The following SCARA3 variants were observed in gnomAD, a reference collection of about 807,000 sequenced individuals.
SCARA3 encodes cellular stress response gene protein.
SCARA3 carries 39 observed loss-of-function variants against 47.0 expected under a neutral mutation model. The observed-to-expected ratio is 0.83, with a 90% CI of 0.64 to 1.08. The LOEUF (loss-of-function observed/expected upper bound fraction) is 1.08, where lower values mean the gene tolerates loss of function less well. SCARA3 is among the 50% of genes least tolerant of loss of function. The pLI is 0.00. For missense variants in SCARA3, 724 were observed against 792.3 expected, an observed-to-expected ratio of 0.91 and a Z score of 1.04; for synonymous variants, 356 against 334.1, an observed-to-expected ratio of 1.07 and a Z score of -0.71.
intron 1 of SCARA3, among the ~76,000 whole-genome samples, chr8:27,637,425 C>A (rs1437051891): frequency 6.6e-6 from 1 of 152,216 alleles, no homozygotes; most frequent in African/African-American, 2.4e-5. Context: ...CCCCAAGATG[C>A]CCAAGACACA....
At chr8:27,668,546 CAAAAA>C (rs61162841) in intron 5 of SCARA3, among the ~76,000 whole-genome samples, 1 of 69,842 alleles carries the variant, frequency 1.4e-5, no homozygotes, top group Non-Finnish European at 2.9e-5. Context: ...GACTCCGTCT[CAAAAA>C]AAAAAAAAAA....
intron 1 of SCARA3, among the ~76,000 whole-genome samples, chr8:27,640,640 G>A (rs76457421): frequency 0.03 from 4,539 of 151,772 alleles, 102 homozygotes; most frequent in Non-Finnish European, 0.047. Context: ...TCAGCCTCCC[G>A]ATTACTTAGC....
intron 5 of SCARA3, among the ~76,000 whole-genome samples, chr8:27,665,668 G>A (rs1802001426): frequency 6.6e-6 from 1 of 152,182 alleles, no homozygotes; most frequent in Non-Finnish European, 1.5e-5. Context: ...ATCACACCCA[G>A]CCAAGCTTTG....
chr8:27,713,584 G>C, the SCARA3 span, among the ~76,000 whole-genome samples: 1 of 152,062 alleles, frequency 6.6e-6, no homozygotes, highest in Non-Finnish European at 1.5e-5. Flanking sequence ...ATCCTTATTT[G>C]CTTTGATGCT....
At chr8:27,711,388 T>C in the SCARA3 span, among the ~76,000 whole-genome samples, 1 of 152,236 alleles carries the variant, frequency 6.6e-6, no homozygotes, top group Admixed American at 6.5e-5. Context: ...TTTTTCTTAT[T>C]GTACTCAAAT....
the SCARA3 span, among the ~76,000 whole-genome samples, chr8:27,712,505 G>C: frequency 6.8e-6 from 1 of 147,268 alleles, no homozygotes; most frequent in East Asian, 2.0e-4. Flanking sequence ...GGAGCTTGCA[G>C]TGAGCCGAGA....
downstream of SCARA3, among the ~76,000 whole-genome samples, chr8:27,675,113 G>A (rs532893154): frequency 6.6e-6 from 1 of 152,106 alleles, no homozygotes. Context: ...AAAACCCCAG[G>A]CCAGCCCACT....
At chr8:27,699,223 G>A in the SCARA3 span, among the ~76,000 whole-genome samples, 6 of 150,088 alleles carry the variant, frequency 4.0e-5, no homozygotes, top group South Asian at 1.1e-3. Flanking sequence ...CAGCCTGGGT[G>A]ACAGAGCAAG....
At chr8:27,651,716 T>C (rs1801637924) in intron 3 of SCARA3, 89 bp downstream of exon 3, 1 of 1,532,102 alleles carries the variant, frequency 6.5e-7, no homozygotes, top group South Asian at 1.2e-5. Context: ...GACAAACACT[T>C]GACATCTGTA....
the SCARA3 span, among the ~76,000 whole-genome samples, chr8:27,691,402 C>T: frequency 6.6e-6 from 1 of 152,148 alleles, no homozygotes; most frequent in South Asian, 2.1e-4. Flanking sequence ...TGATTCCCTT[C>T]TTTTTGTGCT....
chr8:27,688,990 G>A, the SCARA3 span, among the ~76,000 whole-genome samples: 16 of 152,196 alleles, frequency 1.1e-4, no homozygotes, highest in African/African-American at 3.1e-4. Flanking sequence ...GAAGGGGCTG[G>A]GGAGCTCTGT....
In SCARA3 at chr8:27,659,280, C is replaced by A; in HGVS notation, c.1110C>A (p.His370Gln). The change falls in exon 5 of 6, where the codon CAC becomes CAA. Residue 370 changes from histidine to glutamine, a missense_variant. By Grantham distance (24) the His-to-Gln change is conservative (BLOSUM62 0). Transcript: ENST00000301904. ...IFTNINATDN[H>Q]VHSMLKYLDD... ...CCAACATCAATGCCACCGACAACCA[C>A]GTGCACAGCATGCTCAAGTACCTGG... 6.2e-7 allele frequency: 1 copy of A among 1,614,188 alleles called. No homozygotes were observed. The highest frequency in any genetic ancestry group is 8.5e-7 in the Non-Finnish European group (1 of 1,180,032).
At chr8:27,681,990 A>G in the SCARA3 span, among the ~76,000 whole-genome samples, 1 of 152,254 alleles carries the variant, frequency 6.6e-6, no homozygotes, top group Non-Finnish European at 1.5e-5. Context: ...TAAAACAAGA[A>G]TATCTTGAAA....
the SCARA3 span, among the ~76,000 whole-genome samples, chr8:27,715,847 TAG>T: frequency 1.4e-5 from 1 of 73,164 alleles, no homozygotes; most frequent in Non-Finnish European, 3.2e-5. The surrounding 1 kb of genome is among the most constrained non-coding windows in gnomAD (Gnocchi z 4.2). Context: ...GATAGATAGA[TAG>T]ATAGATAGAT....
At chr8:27,652,501 G>C (rs1036817251) in intron 3 of SCARA3, among the ~76,000 whole-genome samples, 1 of 152,176 alleles carries the variant, frequency 6.6e-6, no homozygotes, top group African/African-American at 2.4e-5. Flanking sequence ...TCGAGGCTCC[G>C]AGGGGGGCCC....
rs755488846 is a variant in SCARA3, at chr8:27,658,803, G to C, written c.633G>C (p.Gln211His). Residue 211 changes from glutamine to histidine, a missense_variant, in exon 5 of 6, where the codon CAG becomes CAC. Physicochemically the swap from Gln to His is conservative, Grantham distance 24. Transcript: ENST00000301904. ...ACCTCTCTCTGAAGGACCTCACCCA[G>C]GAGTGCTACGATGTCAAGGCTGCAG... ...GLDLSLKDLT[Q>H]ECYDVKAAVH... 3.9e-5 allele frequency: 63 copies of C among 1,613,992 alleles called. No homozygotes were observed. The Admixed American group carries it at 1.0e-3, about 26-fold the overall frequency.
chr8:27,725,922 AAAGATG>A, the SCARA3 span, among the ~76,000 whole-genome samples: 1 of 152,188 alleles, frequency 6.6e-6, no homozygotes, highest in Non-Finnish European at 1.5e-5. Context: ...TGTCACATGA[AAAGATG>A]AATTCAACTT....
the SCARA3 span, among the ~76,000 whole-genome samples, chr8:27,704,897 G>T: frequency 6.6e-6 from 1 of 152,114 alleles, no homozygotes; most frequent in African/African-American, 2.4e-5. Context: ...TGCTGCCAGC[G>T]CCCTGCAGGG....
intron 1 of SCARA3, among the ~76,000 whole-genome samples, chr8:27,635,307 C>G (rs1801227379): frequency 1.3e-5 from 2 of 152,250 alleles, no homozygotes; most frequent in East Asian, 3.9e-4. Flanking sequence ...TGGATGCAGC[C>G]TCCGCATTGC....
Sources: allele counts gnomAD v4.1 joint callset (sites outside exome capture counted in the v4.1 genomes callset), GRCh38; gene constraint gnomAD v4.1.1; non-coding constraint Gnocchi (gnomAD v3.1); transcripts MANE v1.5; gene names NCBI Gene and HGNC (gene_info 2026-07-23, HGNC 2026-07-21).